Variants in PLCB1 observed in about 807,000 individuals in gnomAD.
PLCB1 encodes 1-phosphatidylinositol 4,5-bisphosphate phosphodiesterase beta-1.
Under a neutral mutation model 161.8 loss-of-function variants are expected in PLCB1, and 46 were observed. That is an observed-to-expected ratio of 0.28 (90% confidence interval 0.22 to 0.36). The LOEUF (loss-of-function observed/expected upper bound fraction) is 0.36. Ranked by LOEUF, PLCB1 falls within the 10% of genes least tolerant of loss-of-function variation. PLCB1 has a pLI of 1.00. For synonymous variants in PLCB1, 517 were observed against 503.7 expected, an observed-to-expected ratio of 1.03 and a Z score of -0.35; for missense variants, 1,016 against 1,472.5, an observed-to-expected ratio of 0.69 and a Z score of 5.07.
intron 22 of PLCB1, among the ~76,000 whole-genome samples, chr20:8,740,863 T>C (rs1198842137): frequency 1.3e-5 from 2 of 152,304 alleles, no homozygotes; most frequent in East Asian, 3.9e-4. Context: ...TAAATGCTTA[T>C]AGTGCCAAGT....
chr20:8,514,474 A>ACCAGC (rs1180331317), intron 3 of PLCB1, among the ~76,000 whole-genome samples: 3 of 147,644 alleles, frequency 2.0e-5, no homozygotes, highest in African/African-American at 7.3e-5. Context: ...GAAAAAAGAA[A>ACCAGC]CCAGCCTGGG....
chr20:8,497,671 T>G (rs1600108224), intron 3 of PLCB1, among the ~76,000 whole-genome samples: 1 of 152,250 alleles, frequency 6.6e-6, no homozygotes, highest in East Asian at 1.9e-4. Flanking sequence ...TTGCCTTGAC[T>G]TACTGATGAT....
chr20:8,370,709 T>C (rs1600350277), intron 2 of PLCB1, among the ~76,000 whole-genome samples: 1 of 152,170 alleles, frequency 6.6e-6, no homozygotes, highest in African/African-American at 2.4e-5. Context: ...CCCCCAACCA[T>C]AGTAGTCAAC....
intron 31 of PLCB1, among the ~76,000 whole-genome samples, chr20:8,809,470 G>C (rs76933695): frequency 0.026 from 4,015 of 152,130 alleles, 167 homozygotes; most frequent in African/African-American, 0.092. Context: ...TCAAGGTCAC[G>C]ACTTTGTTAC....
At chr20:8,663,245 TACAC>T (rs1280569428) in intron 9 of PLCB1, among the ~76,000 whole-genome samples, 1 of 151,830 alleles carries the variant, frequency 6.6e-6, no homozygotes, top group Admixed American at 6.6e-5. Context: ...TGTATACACA[TACAC>T]AGAGACACAC....
Position 8,330,879 on chromosome 20 carries a change from G to A in PLCB1, c.178-40503G>A, listed in dbSNP as rs573802911. On this transcript the variant is annotated intron_variant, in intron 2 of 31. Coordinates refer to ENST00000338037, the MANE Select transcript of PLCB1 (RefSeq NM_015192.4). ...ATACAATGAACTATGAAGGAGGGAG[G>A]TAGGAAGTATGACATCATATTCTCT... Among the ~76,000 whole-genome samples the A allele has an allele frequency of 3.9e-5, 6 of 152,242 alleles. No individual in the cohort carries two copies. In the South Asian group the frequency reaches 8.3e-4, roughly 21 times the overall value.
intron 3 of PLCB1, among the ~76,000 whole-genome samples, chr20:8,423,208 A>G (rs1819737355): frequency 6.6e-6 from 1 of 152,186 alleles, no homozygotes; most frequent in African/African-American, 2.4e-5. Context: ...GCCCCAAGAC[A>G]TAAGGGACTG....
chr20:8,284,016 T>C (rs1982998249), intron 2 of PLCB1, among the ~76,000 whole-genome samples: 1 of 152,042 alleles, frequency 6.6e-6, no homozygotes, highest in South Asian at 2.1e-4. Context: ...TCAATATTTA[T>C]ATTCTTGGAA....
At chr20:8,215,423 T>C (rs1184731195) in intron 2 of PLCB1, among the ~76,000 whole-genome samples, 5 of 152,032 alleles carry the variant, frequency 3.3e-5, no homozygotes, top group Non-Finnish European at 7.4e-5. Context: ...GGCAACATCA[T>C]GTCGCCTCGC....
intron 9 of PLCB1, among the ~76,000 whole-genome samples, chr20:8,672,989 G>A (rs1989987465): frequency 6.6e-6 from 1 of 152,008 alleles, no homozygotes; most frequent in African/African-American, 2.4e-5. Context: ...ATGCGCGCCT[G>A]TAATCCCAGC....
intron 2 of PLCB1, among the ~76,000 whole-genome samples, chr20:8,340,534 T>C (rs553539772): frequency 6.6e-6 from 1 of 152,202 alleles, no homozygotes; most frequent in East Asian, 1.9e-4. Flanking sequence ...GCCATTCTCC[T>C]GCCTCAGCCT....
intron 9 of PLCB1, among the ~76,000 whole-genome samples, chr20:8,681,119 T>TATATATATAAAA (rs1485697576): frequency 6.1e-5 from 5 of 82,094 alleles, no homozygotes; most frequent in Admixed American, 1.3e-4. Flanking sequence ...TATATATATA[T>TATATATATAAAA]AATATATATA....
At chr20:8,569,885 G>T (rs559440482) in intron 3 of PLCB1, among the ~76,000 whole-genome samples, 49 of 152,150 alleles carry the variant, frequency 3.2e-4, no homozygotes, top group Non-Finnish European at 6.5e-4. Flanking sequence ...TGTTTTATTT[G>T]CAAGGAACAG....
At chr20:8,499,663 AG>A (rs1021062821) in intron 3 of PLCB1, among the ~76,000 whole-genome samples, 14 of 152,212 alleles carry the variant, frequency 9.2e-5, no homozygotes, top group African/African-American at 3.4e-4. Flanking sequence ...GGTAGCTCAA[AG>A]GATATACTCA....
chr20:8,181,886 T>G (rs1159538593), intron 2 of PLCB1, among the ~76,000 whole-genome samples: 1 of 152,140 alleles, frequency 6.6e-6, no homozygotes, highest in Non-Finnish European at 1.5e-5. Flanking sequence ...AGAGGATCAC[T>G]TGAGCCCAAG....
chr20:8,297,658 G>A (rs1600295395), intron 2 of PLCB1, among the ~76,000 whole-genome samples: 1 of 152,114 alleles, frequency 6.6e-6, no homozygotes, highest in East Asian at 1.9e-4. Context: ...GAGGATATCA[G>A]TATCATTAAT....
rs909081050 is a variant in PLCB1 at position 8,716,533 on chromosome 20, T to C, written c.1335+185T>C. On this transcript the variant is annotated intron_variant, in intron 13 of 31. Coordinates refer to ENST00000338037, the MANE Select transcript of PLCB1 (RefSeq NM_015192.4). ...TAAGGGTAGAGGAATGCCTCTGCAC[T>C]CTTCCTCTTCCCACACTCTTCTCTC... 1.7e-4 allele frequency among the ~76,000 whole-genome samples: 26 copies of C among 152,200 alleles called. 1 individual carries two copies. The highest frequency in any genetic ancestry group is 2.9e-5 in the Non-Finnish European group (2 of 68,034).
intron 31 of PLCB1, among the ~76,000 whole-genome samples, chr20:8,873,736 C>T (rs1185889308): frequency 2.6e-5 from 4 of 151,846 alleles, no homozygotes; most frequent in African/African-American, 9.7e-5. Context: ...AATTATTTCT[C>T]CCTGTTTTCA....
rs370939043 is a variant in PLCB1 at position 8,764,581 on chromosome 20, T to C, written c.2711-558T>C. On this transcript the variant is annotated intron_variant, in intron 25 of 31. Transcript: ENST00000338037. Reference sequence around the variant, plus strand: ...GGGTTGGCTGTTAACAGCTCATAACTTCTCCTTCTCTGCAAAATTGCCCTC... The same window carrying C: ...GGGTTGGCTGTTAACAGCTCATAACCTCTCCTTCTCTGCAAAATTGCCCTC... Among the ~76,000 whole-genome samples, 3 of 152,282 alleles carry C rather than the reference T, an allele frequency of 2.0e-5. No individual in the cohort carries two copies. The South Asian group carries it at 6.2e-4, about 32-fold the overall frequency.
Sources: gnomAD v4.1 joint callset for allele counts (sites outside exome capture counted in the v4.1 genomes callset) on GRCh38, gnomAD v4.1.1 for gene constraint, MANE v1.5 for transcripts, NCBI Gene and HGNC (gene_info 2026-07-23, HGNC 2026-07-21) for gene names.